Variants in LPL observed in about 807,000 individuals in gnomAD.
The protein encoded by LPL is lipoprotein lipase.
A neutral mutation model predicts 52.2 loss-of-function variants in LPL; 43 were observed. The observed-to-expected ratio is 0.82, with a 90% confidence interval of 0.64 to 1.06. LPL has a LOEUF of 1.06. LPL is among the 50% of genes least tolerant of loss of function. The probability of loss-of-function intolerance (pLI) is 0.00; values close to 1 mark genes in which losing one functional copy is unlikely to be tolerated. For synonymous variants in LPL, 244 were observed against 215.6 expected (o/e 1.13, Z -1.15); for missense variants, 639 against 585.3 (o/e 1.09, Z -0.95).
chr8:19,955,743 A>C (rs1041592708), intron 5 of LPL, 98 bp from the exon 6 acceptor site: 1 of 1,461,770 alleles, frequency 6.8e-7, no homozygotes, highest in Non-Finnish European at 9.6e-7. Flanking sequence ...GGGTGATTCT[A>C]CTCTAACACC....
At chr8:19,952,134 G>T (rs1192859974) in intron 3 of LPL, among the ~76,000 whole-genome samples, 186 bp downstream of exon 3, 1 of 152,074 alleles carries the variant, frequency 6.6e-6, no homozygotes, top group African/African-American at 2.4e-5. Context: ...AGACTATAAG[G>T]CCAATAAATA....
chr8:19,954,967 G>C (rs1231702108), intron 5 of LPL, among the ~76,000 whole-genome samples: 1 of 152,060 alleles, frequency 6.6e-6, no homozygotes, highest in Non-Finnish European at 1.5e-5. Context: ...GCCTCCCAAA[G>C]TTCTGGGATT....
rs1036422062 is a variant in LPL at position 19,957,767 on chromosome 8, G to T, written c.1019-1493G>T. On this transcript the variant is annotated intron_variant, in intron 6 of 9. Transcript: ENST00000650287. Reference sequence around the variant, plus strand: ...AAAAGAGATGTATCTAAACAAAATAGAGATTGTTATCAGAAGTTCACAACA... The same window carrying T: ...AAAAGAGATGTATCTAAACAAAATATAGATTGTTATCAGAAGTTCACAACA... 4.6e-5 allele frequency among the ~76,000 whole-genome samples: 7 copies of T among 152,262 alleles called. No individual in the cohort carries two copies. The South Asian group carries it at 1.4e-3, about 32-fold the overall frequency.
Position 19,951,276 on chromosome 8 carries a change from A to G in LPL, c.250-493A>G, listed in dbSNP as rs180689265. 7.2e-5 allele frequency among the ~76,000 whole-genome samples: 11 copies of G among 152,292 alleles called. No homozygotes were observed. In the East Asian group the frequency reaches 1.2e-3, roughly 16 times the overall value. The stretch of plus-strand genomic sequence containing the variant: ...CTGGCTGAAACAGGGAGACATTAAC[A>G]TTACATTCTGAAGAAATGACATCAA... On this transcript the variant is annotated intron_variant, in intron 2 of 9. Transcript: ENST00000650287.
At position 19,950,679 on chromosome 8, in the gene LPL, T is replaced by C. The variant is rs750721050; in HGVS notation, c.250-1090T>C. Among the ~76,000 whole-genome samples, 1 of 152,024 alleles carries C rather than the reference T, an allele frequency of 6.6e-6. No individual in the cohort carries two copies. The highest frequency in any genetic ancestry group is 1.5e-5 in the Non-Finnish European group (1 of 67,976). On this transcript the variant is annotated intron_variant, in intron 2 of 9. Transcript: ENST00000650287. This position sits in a 1 kb window ranked among gnomAD's most constrained non-coding sequence, Gnocchi z 4.2. ...ATTAGCCAGGTGTGGTGGTATGTGC[T>C]TGTAGTCCCAGCTACTCAGGAGGCT...
intron 2 of LPL, 58 bp from the exon 3 acceptor site, chr8:19,951,711 T>G: frequency 1.9e-6 from 3 of 1,583,498 alleles, no homozygotes; most frequent in Middle Eastern, 1.7e-4. Flanking sequence ...ATTGGGCTGA[T>G]GTATCTATGA....
At position 19,966,736 on chromosome 8, in the gene LPL, G is replaced by C. The variant is rs2070093133; in HGVS notation, c.*1426G>C. On this transcript the variant is annotated 3_prime_UTR_variant, in exon 10 of 10. Transcript: ENST00000650287. ...AGTAGAAATTGTTCCTGATGTGCCA[G>C]AACTTCGACCCTTTCTCTGAGAGAG... 6.6e-6 allele frequency: 1 copy of C among 152,178 alleles called. No individual in the cohort carries two copies. The highest frequency in any genetic ancestry group is 2.1e-4 in the South Asian group (1 of 4,824). The allele number at this position is 152,178 out of a possible 1,614,324, so 9.4% of individuals were successfully genotyped here.
chr8:19,959,825 A>G (rs933944468), intron 7 of LPL, among the ~76,000 whole-genome samples: 30 of 104,508 alleles, frequency 2.9e-4, no homozygotes, highest in Admixed American at 4.8e-4. Context: ...GTCTCTCTCT[A>G]TTGCCCAGGC....
intron 1 of LPL, chr8:19,946,425 T>G (rs1221556501): frequency 6.0e-6 from 1 of 167,140 alleles, no homozygotes; most frequent in African/African-American, 2.4e-5. Flanking sequence ...AAATAATTAC[T>G]CAATAGGAAA....
intron 2 of LPL, among the ~76,000 whole-genome samples, chr8:19,951,398 T>G (rs1194302852): frequency 6.6e-6 from 1 of 152,232 alleles, no homozygotes; most frequent in Non-Finnish European, 1.5e-5. Context: ...TCAACAGGGT[T>G]CTGCTCCTAG....
intron 3 of LPL, among the ~76,000 whole-genome samples, chr8:19,952,980 A>AATACAT (rs1216721894): frequency 2.0e-5 from 3 of 152,230 alleles, no homozygotes; most frequent in Non-Finnish European, 4.4e-5. Context: ...TATATATGCA[A>AATACAT]ATACATATAC....
chr8:19,942,200 G>A (rs990192709), intron 1 of LPL, among the ~76,000 whole-genome samples: 30 of 152,176 alleles, frequency 2.0e-4, no homozygotes, highest in African/African-American at 7.0e-4. Flanking sequence ...GCTTTATTAT[G>A]GAGGAAAAAT....
At chr8:19,958,641 G>C (rs1239968717) in intron 6 of LPL, among the ~76,000 whole-genome samples, 2 of 152,192 alleles carry the variant, frequency 1.3e-5, no homozygotes, top group Non-Finnish European at 2.9e-5. Flanking sequence ...AAGTTCTTTA[G>C]TAGTGATTTG....
At chr8:19,940,205 C>T (rs2069822515) in intron 1 of LPL, among the ~76,000 whole-genome samples, 2 of 152,354 alleles carry the variant, frequency 1.3e-5, no homozygotes, top group Admixed American at 1.3e-4. Flanking sequence ...CTCTCTCCAG[C>T]TTCCAGGCTC....
In LPL at chr8:19,944,981, TCTTC is replaced by T. The variant is rs925751896; in HGVS notation, c.89-3181_89-3178del. ...TTCCCTCCTTCCTTCCCCTTCCCCT[TCTTC>T]CTTCCTTCCTTCCTTCCCTCCATCC... On this transcript the variant is annotated intron_variant, in intron 1 of 9. Transcript: ENST00000650287. The surrounding 1 kb of genome is among the most constrained non-coding windows in gnomAD (Gnocchi z 4.2). Among the ~76,000 whole-genome samples, 17 of 151,918 alleles carry T rather than the reference TCTTC, an allele frequency of 1.1e-4. No homozygotes were observed. Among genetic ancestry groups the T allele is most frequent in the South Asian group, 6.3e-4 (3 of 4,788 alleles).
intron 1 of LPL, among the ~76,000 whole-genome samples, chr8:19,940,091 C>T (rs1168450275): frequency 6.6e-6 from 1 of 152,196 alleles, no homozygotes; most frequent in South Asian, 2.1e-4. Context: ...CGGCGGGGCC[C>T]CTCGCTCCGC....
intron 9 of LPL, among the ~76,000 whole-genome samples, chr8:19,965,092 T>C (rs955390306): frequency 2.0e-4 from 30 of 151,126 alleles, no homozygotes; most frequent in African/African-American, 7.2e-4. Flanking sequence ...ATGCACCTTA[T>C]TGGGACGGGG....
chr8:19,964,530 T>G (rs75946927), intron 9 of LPL, among the ~76,000 whole-genome samples: 3,015 of 152,254 alleles, frequency 0.02, 92 homozygotes, highest in African/African-American at 0.068. Context: ...TATTTTTATT[T>G]TTTACTTTTA....
intron 2 of LPL, 171 bp downstream of exon 2, chr8:19,948,511 T>C: frequency 1.4e-6 from 1 of 724,156 alleles, no homozygotes; most frequent in Non-Finnish European, 2.2e-6. Flanking sequence ...CACAGGTTCA[T>C]GAGAACTCCC....
Sources: allele counts gnomAD v4.1 joint callset (sites outside exome capture counted in the v4.1 genomes callset), GRCh38; gene constraint gnomAD v4.1.1; non-coding constraint Gnocchi (gnomAD v3.1); transcripts MANE v1.5; gene names NCBI Gene and HGNC (gene_info 2026-07-23, HGNC 2026-07-21).